ATCAY: variants seen among roughly 807,000 people sequenced by gnomAD.
The protein encoded by ATCAY is ATCAY kinesin light chain interacting caytaxin.
ATCAY carries 22 observed loss-of-function variants against 47.7 expected under a neutral mutation model. That is an observed-to-expected ratio of 0.46 (90% CI 0.33 to 0.66). The LOEUF (loss-of-function observed/expected upper bound fraction) is 0.66. Ranked by LOEUF, ATCAY falls within the 30% of genes least tolerant of loss-of-function variation. The pLI is 0.02. For synonymous variants in ATCAY, 216 were observed against 207.6 expected (o/e 1.04, Z -0.35); for missense variants, 452 against 515.0 (o/e 0.88, Z 1.18).
At chr19:3,924,435 C>T (rs1599151349) in intron 12 of ATCAY, 148 bp from the exon 13 acceptor site, 11 of 922,034 alleles carry the variant, frequency 1.2e-5, no homozygotes, top group Admixed American at 2.0e-5. Context: ...TGGCAGGAGC[C>T]GGGCCCTGAA....
rs374061120 is a variant in ATCAY, at chr19:3,924,525, G to A, written c.1107-58G>A. ...TTTTGGATTACATACATGTAGAAGC[G>A]CATTTTGCACTTTTAACATTAACAG... On this transcript the variant is annotated intron_variant, in intron 12 of 12. Coordinates refer to ENST00000450849, the MANE Select transcript of ATCAY (RefSeq NM_033064.5). The A allele has an allele frequency of 3.7e-5, 59 of 1,605,608 alleles. No homozygotes were observed. The African/African-American group carries it at 6.0e-4, about 16-fold the overall frequency.
At chr19:3,917,483 G>T (rs897247227) in intron 9 of ATCAY, among the ~76,000 whole-genome samples, 1 of 146,570 alleles carries the variant, frequency 6.8e-6, no homozygotes, top group Non-Finnish European at 1.5e-5. Flanking sequence ...TACTCCGGAG[G>T]CTGAGGCAGC....
intron 9 of ATCAY, among the ~76,000 whole-genome samples, chr19:3,914,509 G>A (rs1277438409): frequency 6.6e-6 from 1 of 151,950 alleles, no homozygotes; most frequent in Non-Finnish European, 1.5e-5. Context: ...AATTCAAGAT[G>A]AGATTTGGGT....
intron 1 of ATCAY, among the ~76,000 whole-genome samples, chr19:3,885,111 A>ATTT (rs2038637157): frequency 3.1e-5 from 4 of 130,902 alleles, no homozygotes; most frequent in African/African-American, 1.3e-4. Context: ...TTTTTTTTTA[A>ATTT]AAAAAAAAAA....
chr19:3,917,752 G>A lies in ATCAY; in HGVS notation c.976G>A (p.Glu326Lys). 1 of 1,613,512 alleles carries A rather than the reference G, an allele frequency of 6.2e-7. No individual in the cohort carries two copies. Among genetic ancestry groups the A allele is most frequent in the Non-Finnish European group, 8.5e-7 (1 of 1,179,718 alleles). The change falls in exon 10 of 13, where the codon GAA becomes AAA. Residue 326 changes from glutamate to lysine, a missense_variant. Transcript: ENST00000450849. ...TTTTCTTTCTTTCAGATACGAAGAG[G>A]AAAGACTGAAGGCCAGGAGGGAGAG... ...IPDCVLQYEEERLKARRESAR... is the reference protein window; with the variant it reads ...IPDCVLQYEEKRLKARRESAR...
At chr19:3,896,917 C>G (rs983945668) in intron 2 of ATCAY, among the ~76,000 whole-genome samples, 1 of 152,060 alleles carries the variant, frequency 6.6e-6, no homozygotes, top group Non-Finnish European at 1.5e-5. Context: ...GCTGGGATTA[C>G]AGGCGCCCGC....
chr19:3,887,556 G>A (rs1054510246), intron 2 of ATCAY, among the ~76,000 whole-genome samples: 1 of 150,972 alleles, frequency 6.6e-6, no homozygotes, highest in Non-Finnish European at 1.5e-5. Context: ...GCGCGATCTT[G>A]GCTCACTGCA....
chr19:3,891,276 T>A (rs967647113), intron 2 of ATCAY, among the ~76,000 whole-genome samples: 9 of 152,026 alleles, frequency 5.9e-5, no homozygotes, highest in African/African-American at 2.2e-4. Context: ...GGTCTCGAAC[T>A]CCTAACCTCA....
In ATCAY at chr19:3,905,535, C is replaced by T. The variant is rs762043018; in HGVS notation, c.238C>T (p.Leu80=). The T allele has an allele frequency of 2.5e-6, 4 of 1,613,856 alleles. No individual in the cohort carries two copies. Among genetic ancestry groups the T allele is most frequent in the East Asian group, 2.2e-5 (1 of 44,902 alleles). The stretch of plus-strand genomic sequence containing the variant: ...TCTGGATCAGAGTGAGGGGTCCCTG[C>T]TGTCCGATGACTTCTTGGATACCCC... ...ISLDQSEGSL[L]SDDFLDTPDD... is the part of the protein sequence containing the mutation. Residue 80 remains leucine (L), a synonymous_variant, in exon 4 of 13, where the codon CTG becomes TTG. Transcript: ENST00000450849.
chr19:3,896,988 G>A (rs935881874), intron 2 of ATCAY, among the ~76,000 whole-genome samples: 3 of 151,796 alleles, frequency 2.0e-5, no homozygotes, highest in African/African-American at 7.3e-5. Flanking sequence ...TGCTGACCAG[G>A]CTGGTCTCGA....
intron 9 of ATCAY, 133 bp from the exon 10 acceptor site, chr19:3,917,609 A>AT: frequency 2.7e-6 from 2 of 741,900 alleles, no homozygotes; most frequent in Non-Finnish European, 2.1e-6. Context: ...AAAAAAAAAA[A>AT]AGGAAGAAGA....
intron 4 of ATCAY, among the ~76,000 whole-genome samples, chr19:3,905,961 A>C (rs1311624086): frequency 2.0e-5 from 3 of 152,046 alleles, no homozygotes; most frequent in Non-Finnish European, 4.4e-5. Context: ...TCACGAGGTC[A>C]GGAGATCGAG....
intron 11 of ATCAY, 92 bp downstream of exon 11, chr19:3,918,969 G>T (rs372995374): frequency 6.8e-7 from 1 of 1,475,888 alleles, no homozygotes; most frequent in Non-Finnish European, 9.4e-7. Context: ...ATGGGTCCTT[G>T]TTCAGGGACA....
At position 3,886,839 on chromosome 19, in the gene ATCAY, G is replaced by A. The variant is rs543539099; in HGVS notation, c.77+995G>A. On this transcript the variant is annotated intron_variant, in intron 2 of 12. Coordinates refer to ENST00000450849, the MANE Select transcript of ATCAY (RefSeq NM_033064.5). ...AGTGATTCTCCTTCCTCATGCCCCC[G>A]AGTAGCTTGGATTACAGGCACCCGC... Among the ~76,000 whole-genome samples the A allele has an allele frequency of 6.9e-4, 103 of 149,678 alleles. 2 individuals are homozygous for A. In the South Asian group the frequency reaches 0.013, roughly 19 times the overall value.
intron 2 of ATCAY, among the ~76,000 whole-genome samples, chr19:3,896,846 G>A (rs1474855437): frequency 1.3e-5 from 2 of 150,096 alleles, no homozygotes; most frequent in African/African-American, 2.5e-5. Flanking sequence ...TCACGATCTC[G>A]GCTCACTGCA....
At chr19:3,903,066 A>G (rs1040091066) in intron 3 of ATCAY, among the ~76,000 whole-genome samples, 2 of 150,418 alleles carry the variant, frequency 1.3e-5, no homozygotes, top group Admixed American at 6.6e-5. Flanking sequence ...CTCAACCTCC[A>G]GGGCTCAAGA....
chr19:3,887,704 T>G (rs1235679887), intron 2 of ATCAY, among the ~76,000 whole-genome samples: 2 of 149,848 alleles, frequency 1.3e-5, no homozygotes, highest in Admixed American at 6.6e-5. Context: ...GCCAGGATGG[T>G]CTCGATCGTC....
At chr19:3,894,600 G>C (rs2038748935) in intron 2 of ATCAY, among the ~76,000 whole-genome samples, 1 of 140,622 alleles carries the variant, frequency 7.1e-6, no homozygotes, top group Non-Finnish European at 1.5e-5. Context: ...ACCAGCCTGG[G>C]CAACATGGCG....
chr19:3,920,550 C>T (rs2039008545), intron 11 of ATCAY: 2 of 212,640 alleles, frequency 9.4e-6, no homozygotes, highest in Admixed American at 5.4e-5. Flanking sequence ...ACCATGTTGG[C>T]CAGGCTGGTC....
Sources: allele counts gnomAD v4.1 joint callset (sites outside exome capture counted in the v4.1 genomes callset), GRCh38; gene constraint gnomAD v4.1.1; transcripts MANE v1.5; gene names NCBI Gene and HGNC (gene_info 2026-07-23, HGNC 2026-07-21).